SERPINB4: variants seen among roughly 807,000 people sequenced by gnomAD.
SERPINB4 encodes the protein serpin family B member 4, also known as serpin B4.
In SERPINB4, 39 loss-of-function variants were observed where a neutral mutation model predicts 33.2. That is an observed-to-expected ratio of 1.18 (90% CI 0.91 to 1.53). SERPINB4 has a LOEUF of 1.53. Among genes scored for constraint, SERPINB4 ranks in the 40% most tolerant of loss-of-function variants. The probability of loss-of-function intolerance (pLI) is 0.00; values close to 1 mark genes in which losing one functional copy is unlikely to be tolerated. For synonymous variants in SERPINB4, 191 were observed against 166.4 expected (o/e 1.15, Z -1.14); for missense variants, 564 against 455.4 (o/e 1.24, Z -2.17).
At chr18:63,643,370 G>A (rs761249225) in intron 2 of SERPINB4, 43 bp downstream of exon 2, 2 of 1,612,544 alleles carry the variant, frequency 1.2e-6, no homozygotes, top group Non-Finnish European at 1.7e-6. Flanking sequence ...GACGGAACCA[G>A]AGAAAAACTG....
chr18:63,639,508 G>C lies in SERPINB4; in HGVS notation c.612+126C>G, dbSNP rs1913052595. On this transcript the variant is annotated intron_variant, in intron 6 of 7. Transcript: ENST00000341074. ...TTCCTAACTAAATAAAGTTATAAGA[G>C]TAAAACAACAAAATAACAGACATGA... 22 of 1,014,504 alleles carry C rather than the reference G, an allele frequency of 2.2e-5. 1 individual carries two copies. Among genetic ancestry groups the C allele is most frequent in the Admixed American group, 1.1e-4 (4 of 35,594 alleles). The allele number at this position is 1,014,504 out of a possible 1,614,324, so 62.8% of individuals were successfully genotyped here. A position where few individuals can be genotyped will look rare whatever the true frequency, so the allele number is the denominator to read the frequency against.
At chr18:63,639,991 G>A (rs1244622658) in intron 5 of SERPINB4, among the ~76,000 whole-genome samples, 2 of 151,998 alleles carry the variant, frequency 1.3e-5, no homozygotes, top group Admixed American at 1.3e-4. Flanking sequence ...TACCCTTGAT[G>A]GAGACATCAC....
rs373089359 is a variant in SERPINB4 at position 63,642,865 on chromosome 18, C to T, written c.222+296G>A. ...TTCTGGGATGAGGTCACTGGGACTC[C>T]GAGCAGTTGTGTCCTGCTCTTATTC... is the stretch of plus-strand genomic sequence containing the variant. On this transcript the variant is annotated intron_variant, in intron 3 of 7. Transcript: ENST00000341074. The T allele has an allele frequency of 4.8e-4, 158 of 326,042 alleles. 1 individual carries two copies. Among genetic ancestry groups the T allele is most frequent in the South Asian group, 2.5e-3 (39 of 15,314 alleles). The allele number at this position is 326,042 out of a possible 1,614,324, so 20.2% of individuals were successfully genotyped here. A position where few individuals can be genotyped will look rare whatever the true frequency, so the allele number is the denominator to read the frequency against.
At chr18:63,638,145 A>G in intron 7 of SERPINB4, 22 bp from the exon 8 acceptor site, 1 of 1,603,304 alleles carries the variant, frequency 6.2e-7, no homozygotes, top group Non-Finnish European at 8.5e-7. Flanking sequence ...GAAAAAAGAA[A>G]CTGATATGAC....
Position 63,640,893 on chromosome 18 carries a change from C to T in SERPINB4, c.450G>A (p.Trp150Ter), listed in dbSNP as rs752250571. 2 of 1,612,358 alleles carry T rather than the reference C, an allele frequency of 1.2e-6. No individual in the cohort carries two copies. Among genetic ancestry groups the T allele is most frequent in the African/African-American group, 2.7e-5 (2 of 74,788 alleles). The change falls in exon 5 of 8, where the codon TGG becomes TGA. Residue 150 changes from tryptophan (W) to a stop codon, truncating the protein, a stop_gained. Transcript: ENST00000341074. LOFTEE classifies it high-confidence loss of function. ...TCCTACCATTCGTTTGACTTTCCAC[C>T]CAGGAGTTAATCTTCTTTCGACTTT... The part of the protein sequence containing the change: ...PEESRKKINS[W>*]VESQTNEKIK...
intron 5 of SERPINB4, among the ~76,000 whole-genome samples, chr18:63,640,326 G>A (rs1913083817): frequency 1.3e-5 from 2 of 152,000 alleles, no homozygotes; most frequent in South Asian, 4.1e-4. Flanking sequence ...GAGGTGGGAG[G>A]TAAGAAAGAT....
chr18:63,642,918 C>G (rs140002034), intron 3 of SERPINB4: 7 of 518,998 alleles, frequency 1.3e-5, no homozygotes, highest in African/African-American at 3.8e-5. Context: ...AAGCTGGAGT[C>G]TGAACCCAGC....
At position 63,643,484 on chromosome 18, in the gene SERPINB4, T is replaced by C. The variant is rs750411524; in HGVS notation, c.94A>G (p.Ile32Val). Residue 32 changes from isoleucine (I) to valine (V), a missense_variant, in exon 2 of 8, where the codon ATC becomes GTC. Coordinates refer to ENST00000341074, the MANE Select transcript of SERPINB4 (RefSeq NM_002974.4). ...SKENNIFYSPISITSALGMVL... is the reference protein window; with the variant it reads ...SKENNIFYSPVSITSALGMVL... ...ATCCCTAATGCTGATGTGATGCTGA[T>C]AGGGGAATAGAAGATGTTGTTCTCT... 6.2e-7 allele frequency: 1 copy of C among 1,613,758 alleles called. No homozygotes were observed. The highest frequency in any genetic ancestry group is 2.2e-5 in the East Asian group (1 of 44,868).
At chr18:63,639,591 T>C (rs769465206) in intron 6 of SERPINB4, 43 bp downstream of exon 6, 6 of 1,273,812 alleles carry the variant, frequency 4.7e-6, no homozygotes, top group Non-Finnish European at 5.6e-6. Flanking sequence ...TAACATTCCA[T>C]GTATTAACAT....
intron 3 of SERPINB4, among the ~76,000 whole-genome samples, chr18:63,642,488 A>G (rs1463576678): frequency 6.6e-6 from 1 of 151,852 alleles, no homozygotes; most frequent in African/African-American, 2.4e-5. Flanking sequence ...GAGAATGGGG[A>G]AAAAAACCCT....
At chr18:63,642,060 A>G (rs996725936) in intron 3 of SERPINB4, among the ~76,000 whole-genome samples, 172 bp from the exon 4 acceptor site, 8 of 152,048 alleles carry the variant, frequency 5.3e-5, no homozygotes, top group East Asian at 1.9e-4. Context: ...AATCCACCTT[A>G]TATTTGACTT....
At chr18:63,642,356 C>A (rs55679713) in intron 3 of SERPINB4, among the ~76,000 whole-genome samples, 5 of 152,222 alleles carry the variant, frequency 3.3e-5, no homozygotes, top group Non-Finnish European at 5.9e-5. Flanking sequence ...TGATCTGTGG[C>A]TCTTTCCTCA....
intron 3 of SERPINB4, 146 bp from the exon 4 acceptor site, chr18:63,642,034 CT>C: frequency 8.2e-7 from 1 of 1,213,476 alleles, no homozygotes; most frequent in Non-Finnish European, 1.1e-6. Context: ...TGTATTTCAC[CT>C]CAAATACCCT....
chr18:63,640,836 T>G, intron 5 of SERPINB4, 38 bp downstream of exon 5: 1 of 1,553,780 alleles, frequency 6.4e-7, no homozygotes. Flanking sequence ...CTGGCATAGG[T>G]TTCTCAAAGG....
At chr18:63,641,651 TC>T (rs1913134196) in intron 4 of SERPINB4, 108 bp downstream of exon 4, 1 of 1,550,908 alleles carries the variant, frequency 6.4e-7, no homozygotes, top group South Asian at 1.1e-5. Flanking sequence ...GAGTAAATGC[TC>T]TCCACCTGAG....
intron 1 of SERPINB4, 89 bp downstream of exon 1, chr18:63,644,120 T>G (rs1163570550): frequency 6.4e-6 from 1 of 155,312 alleles, no homozygotes; most frequent in Non-Finnish European, 1.4e-5. Flanking sequence ...TCAGACAGAA[T>G]GCAGGAGATG....
At chr18:63,638,435 C>A (rs1913012905) in intron 7 of SERPINB4, among the ~76,000 whole-genome samples, 1 of 151,874 alleles carries the variant, frequency 6.6e-6, no homozygotes, top group Non-Finnish European at 1.5e-5. Context: ...TTATTTTGTA[C>A]ACAATGAACT....
Position 63,643,589 on chromosome 18 carries a change from T to A in SERPINB4, c.-12A>T, listed in dbSNP as rs371490195. 4.6e-5 allele frequency: 75 copies of A among 1,613,048 alleles called. No homozygotes were observed. Among genetic ancestry groups the A allele is most frequent in the Non-Finnish European group, 5.8e-5 (68 of 1,179,394 alleles). On this transcript the variant is annotated 5_prime_UTR_variant, in exon 2 of 8. Transcript: ENST00000341074. ...CTGAGTGAATTCATGGTGAACTCGA[T>A]GTGATCTGGAACTCCTGGAAAAGCA...
chr18:63,641,644 T>G, intron 4 of SERPINB4, 116 bp downstream of exon 4: 1 of 1,511,804 alleles, frequency 6.6e-7, no homozygotes, highest in Non-Finnish European at 9.2e-7. Context: ...GCACTCTGAG[T>G]AAATGCTCTC....
Sources: allele counts gnomAD v4.1 joint callset (sites outside exome capture counted in the v4.1 genomes callset), GRCh38; gene constraint gnomAD v4.1.1; transcripts MANE v1.5; gene names NCBI Gene and HGNC (gene_info 2026-07-23, HGNC 2026-07-21).